Variants in PSD3 observed in about 807,000 individuals in gnomAD.
PSD3 encodes PH and SEC7 domain-containing protein 3.
In PSD3, 49 loss-of-function variants were observed where a neutral mutation model predicts 105.5. The ratio of observed to expected loss-of-function variants is 0.46; its 90% confidence interval spans 0.37 to 0.59. PSD3 has a LOEUF of 0.59. Ranked by LOEUF, PSD3 falls within the 20% of genes least tolerant of loss-of-function variation. The probability of loss-of-function intolerance (pLI) is 0.00; values close to 1 mark genes in which losing one functional copy is unlikely to be tolerated. For synonymous variants in PSD3, 557 were observed against 457.8 expected (o/e 1.22, Z -2.77); for missense variants, 1,561 against 1,263.8 (o/e 1.24, Z -3.57).
intron 12 of PSD3, among the ~76,000 whole-genome samples, chr8:18,599,850 G>C (rs1428337635): frequency 6.6e-6 from 1 of 152,040 alleles, no homozygotes; most frequent in Admixed American, 6.6e-5. Context: ...AGGGATGACG[G>C]TATACTATGT....
At chr8:18,682,494 C>G (rs1344873121) in intron 9 of PSD3, among the ~76,000 whole-genome samples, 2 of 152,172 alleles carry the variant, frequency 1.3e-5, no homozygotes, top group African/African-American at 4.8e-5. Flanking sequence ...CATCCCTATA[C>G]AGGTCACATT....
chr8:18,643,250 C>A (rs1807782495), intron 10 of PSD3, among the ~76,000 whole-genome samples: 1 of 152,128 alleles, frequency 6.6e-6, no homozygotes, highest in Non-Finnish European at 1.5e-5. Flanking sequence ...GAAACCCACT[C>A]CTGCAGTAAC....
chr8:18,817,160 G>A (rs965334355), intron 4 of PSD3, among the ~76,000 whole-genome samples: 3 of 152,192 alleles, frequency 2.0e-5, no homozygotes, highest in African/African-American at 7.2e-5. Context: ...TTTCAAAGTA[G>A]TCAATCACTT....
At chr8:19,049,114 T>G (rs191644961) in intron 1 of PSD3, among the ~76,000 whole-genome samples, 1 of 152,282 alleles carries the variant, frequency 6.6e-6, no homozygotes, top group Non-Finnish European at 1.5e-5. Flanking sequence ...AATGACCTCA[T>G]TTTACCTTAA....
chr8:18,970,344 A>AAAAG (rs1554556352), intron 1 of PSD3, among the ~76,000 whole-genome samples: 10 of 148,408 alleles, frequency 6.7e-5, no homozygotes, highest in African/African-American at 2.5e-4. Flanking sequence ...AAAAAAAAAA[A>AAAAG]AAAACAAAGA....
intron 1 of PSD3, among the ~76,000 whole-genome samples, chr8:18,970,381 C>A (rs1309591555): frequency 6.6e-6 from 1 of 151,244 alleles, no homozygotes; most frequent in Non-Finnish European, 1.5e-5. Context: ...CTCATTTCCC[C>A]CAATATATCT....
chr8:18,558,444 T>C (rs1801205914), intron 14 of PSD3, among the ~76,000 whole-genome samples: 1 of 152,076 alleles, frequency 6.6e-6, no homozygotes, highest in African/African-American at 2.4e-5. Context: ...AAAATATAAA[T>C]AAATGGAAAC....
Position 18,900,634 on chromosome 8 carries a change from G to C in PSD3, c.131-27901C>G, listed in dbSNP as rs577566200. 4.1e-5 allele frequency among the ~76,000 whole-genome samples: 6 copies of C among 146,470 alleles called. No individual in the cohort carries two copies. In the South Asian group the frequency reaches 1.1e-3, roughly 27 times the overall value. On this transcript the variant is annotated intron_variant, in intron 2 of 15. Coordinates refer to ENST00000327040, the MANE Select transcript of PSD3 (RefSeq NM_015310.4). The stretch of plus-strand genomic sequence containing the variant: ...GATGAAAAATACACAAAAACCATGA[G>C]AGACAACTCTTTTTTTTTTTTTTTT...
At chr8:18,870,468 G>T (rs992597798) in intron 3 of PSD3, among the ~76,000 whole-genome samples, 1 of 152,072 alleles carries the variant, frequency 6.6e-6, no homozygotes, top group Non-Finnish European at 1.5e-5. Context: ...CTCATAAGTA[G>T]GAGTTAAACA....
At chr8:18,615,293 C>T (rs1028547777) in intron 11 of PSD3, among the ~76,000 whole-genome samples, 1 of 152,226 alleles carries the variant, frequency 6.6e-6, no homozygotes, top group Middle Eastern at 3.4e-3. Context: ...CCTGCCAAAG[C>T]ACTCACCCAG....
chr8:18,638,699 A>G (rs758692236), intron 10 of PSD3, among the ~76,000 whole-genome samples: 1 of 152,218 alleles, frequency 6.6e-6, no homozygotes, highest in Non-Finnish European at 1.5e-5. Context: ...TATACCTAGT[A>G]ACCAAATTCC....
At chr8:18,899,496 T>C (rs969470462) in intron 2 of PSD3, among the ~76,000 whole-genome samples, 11 of 152,162 alleles carry the variant, frequency 7.2e-5, no homozygotes, top group African/African-American at 2.2e-4. Flanking sequence ...TTCTCTTCCA[T>C]AGCACTAACA....
intron 9 of PSD3, among the ~76,000 whole-genome samples, chr8:18,686,195 A>G (rs1411868400): frequency 6.6e-6 from 1 of 152,078 alleles, no homozygotes; most frequent in Non-Finnish European, 1.5e-5. Context: ...ACTAATAACC[A>G]CTTTCATCGA....
intron 9 of PSD3, among the ~76,000 whole-genome samples, chr8:18,757,583 G>A (rs1806163794): frequency 6.6e-6 from 1 of 152,192 alleles, no homozygotes; most frequent in African/African-American, 2.4e-5. Flanking sequence ...TCTACCAGCA[G>A]AATCTCTAAT....
rs141876404 is a variant in PSD3, at chr8:18,875,573, G to A, written c.131-2840C>T. On this transcript the variant is annotated intron_variant, in intron 2 of 15. Transcript: ENST00000327040. ...TTTTTTTGAGATGGAGTCTTGCTCC[G>A]TCACCCAGGCTGGAGTGCAGTGGCG... 8.5e-3 allele frequency among the ~76,000 whole-genome samples: 1,279 copies of A among 150,722 alleles called. 23 individuals carry two copies. The highest frequency in any genetic ancestry group is 0.029 in the African/African-American group (1,180 of 40,906).
intron 4 of PSD3, among the ~76,000 whole-genome samples, chr8:18,841,444 T>G (rs1435215865): frequency 1.3e-5 from 2 of 148,602 alleles, no homozygotes; most frequent in African/African-American, 5.0e-5. Context: ...TAAATCTTTA[T>G]TTTTAAGAGT....
At chr8:18,615,162 TGACTCATTCCAATTACCTACTCC>T (rs1805565881) in intron 11 of PSD3, among the ~76,000 whole-genome samples, 1 of 95,730 alleles carries the variant, frequency 1.0e-5, no homozygotes, top group African/African-American at 3.4e-5. Context: ...TACTCCACCC[TGACTCATTCCAATTACCTACTCC>T]ACCCTGACTC....
intron 1 of PSD3, among the ~76,000 whole-genome samples, chr8:18,979,938 A>AAATC (rs1309220785): frequency 6.6e-6 from 1 of 152,234 alleles, no homozygotes; most frequent in Non-Finnish European, 1.5e-5. Flanking sequence ...CCTTCTACAG[A>AAATC]AATCAGATTT....
chr8:18,542,132 G>C (rs1464737777), intron 15 of PSD3, among the ~76,000 whole-genome samples: 2 of 152,110 alleles, frequency 1.3e-5, no homozygotes, highest in Non-Finnish European at 2.9e-5. Context: ...TGAGAAACTG[G>C]ACCACTGTAG....
Sources: allele counts gnomAD v4.1 joint callset (sites outside exome capture counted in the v4.1 genomes callset), GRCh38; gene constraint gnomAD v4.1.1; transcripts MANE v1.5; gene names NCBI Gene and HGNC (gene_info 2026-07-23, HGNC 2026-07-21).